The following SYT5 variants were observed in gnomAD, a reference collection of about 807,000 sequenced individuals.
SYT5 encodes synaptotagmin-5.
In SYT5, 29 loss-of-function variants were observed where a neutral mutation model predicts 36.0. That is an observed-to-expected ratio of 0.81 (90% confidence interval 0.60 to 1.10). SYT5 has a LOEUF of 1.10. SYT5 is among the 50% of genes least tolerant of loss of function. The pLI, the probability that SYT5 is intolerant of heterozygous loss-of-function variation, is 0.00. For synonymous variants in SYT5, 231 were observed against 227.6 expected (o/e 1.02, Z -0.14); for missense variants, 512 against 516.0 (o/e 0.99, Z 0.08).
chr19:55,175,599 C>T lies in SYT5; in HGVS notation c.540+110G>A. 1 of 1,431,532 alleles carries T rather than the reference C, an allele frequency of 7.0e-7. No homozygotes were observed. The highest frequency in any genetic ancestry group is 9.6e-7 in the Non-Finnish European group (1 of 1,045,114). 88.7% of individuals were successfully genotyped at this position (1,431,532 alleles called of 1,614,324 possible). On this transcript the variant is annotated intron_variant, in intron 5 of 8. Transcript: ENST00000354308. This position sits in a 1 kb window ranked among gnomAD's most constrained non-coding sequence, Gnocchi z 4.5. ...AGTGGAATAGCCCCAGAGCTGGTAG[C>T]TGCCACCTGAGCTGTGGCCGCCTCC...
Position 55,171,811 on chromosome 19 carries a change from A to G in SYT5, c.*1673T>C, listed in dbSNP as rs929384904. On this transcript the variant is annotated 3_prime_UTR_variant, in exon 9 of 9. Coordinates refer to ENST00000354308, the MANE Select transcript of SYT5 (RefSeq NM_003180.3). The stretch of plus-strand genomic sequence containing the variant: ...AAAAGAAAAGAAAAGAAAAGAAAAA[A>G]TTAGCTAGGCATGGTTGCATGTGCC... The G allele has an allele frequency of 3.3e-5, 5 of 152,234 alleles. No individual in the cohort carries two copies. Among genetic ancestry groups the G allele is most frequent in the African/African-American group, 1.2e-4 (5 of 41,440 alleles). The allele number at this position is 152,234 out of a possible 1,614,324, so 9.4% of individuals were successfully genotyped here.
chr19:55,173,528 A>G lies in SYT5; in HGVS notation c.1117T>C (p.Ser373Pro). The change falls in exon 9 of 9, where the codon TCG becomes CCG. Residue 373 changes from serine (S) to proline (P), a missense_variant. Coordinates refer to ENST00000354308, the MANE Select transcript of SYT5 (RefSeq NM_003180.3). This position sits in a 1 kb window ranked among gnomAD's most constrained non-coding sequence, Gnocchi z 5.4. ...CTCACTCGGTCCGGGGGCCGCAGCG[A>G]GTGCCACTGGGCAATGGGCCGCCGC... ...NPRRPIAQWH[S>P]LRPPDRVRLL... 1.4e-6 allele frequency: 2 copies of G among 1,411,984 alleles called. No individual in the cohort carries two copies. The highest frequency in any genetic ancestry group is 1.6e-5 in the South Asian group (1 of 64,294). The allele number at this position is 1,411,984 out of a possible 1,614,324, so 87.5% of individuals were successfully genotyped here. A position where few individuals can be genotyped will look rare whatever the true frequency, so the allele number is the denominator to read the frequency against.
chr19:55,178,128 C>A, intron 3 of SYT5, 68 bp downstream of exon 3: 1 of 1,529,700 alleles, frequency 6.5e-7, no homozygotes. Context: ...GGGACTGGGA[C>A]CAGCTGGGCC....
Position 55,172,444 on chromosome 19 carries a change from A to AC in SYT5, c.*1039_*1040insG, listed in dbSNP as rs1472595473. 1.4e-4 allele frequency: 21 copies of AC among 149,362 alleles called. No individual in the cohort carries two copies. Among genetic ancestry groups the AC allele is most frequent in the African/African-American group, 5.3e-4 (21 of 39,894 alleles). 9.3% of individuals were successfully genotyped at this position (149,362 alleles called of 1,614,324 possible). A position where few individuals can be genotyped will look rare whatever the true frequency, so the allele number is the denominator to read the frequency against. On this transcript the variant is annotated 3_prime_UTR_variant, in exon 9 of 9. Transcript: ENST00000354308. ...TCAAAAAAACAAAAACAAAAACAAA[A>AC]AAACAAACAAACAAAAAAAAAACAA...
chr19:55,173,697 C>T lies in SYT5; in HGVS notation c.961-13G>A, dbSNP rs1319021011. 2 of 1,364,890 alleles carry T rather than the reference C, an allele frequency of 1.5e-6. No individual in the cohort carries two copies. Among genetic ancestry groups the T allele is most frequent in the African/African-American group, 3.1e-5 (2 of 65,416 alleles). The allele number at this position is 1,364,890 out of a possible 1,614,324, so 84.5% of individuals were successfully genotyped here. A position where few individuals can be genotyped will look rare whatever the true frequency, so the allele number is the denominator to read the frequency against. ...CCACCTGCACCTTCTGGGGTGGGCG[C>T]GGGAGGAAGAGGAGAGAGGAGCGTG... On this transcript the variant is annotated splice_polypyrimidine_tract_variant and intron_variant, in intron 8 of 8. Coordinates refer to ENST00000354308, the MANE Select transcript of SYT5 (RefSeq NM_003180.3). The surrounding 1 kb of genome is among the most constrained non-coding windows in gnomAD (Gnocchi z 5.4).
chr19:55,176,206 C>A, intron 3 of SYT5, 82 bp from the exon 4 acceptor site: 2 of 1,589,956 alleles, frequency 1.3e-6, no homozygotes, highest in Non-Finnish European at 1.7e-6. Flanking sequence ...GGGAGGCTCA[C>A]AGGTCCCTTG....
intron 8 of SYT5, among the ~76,000 whole-genome samples, chr19:55,174,199 T>TGCTTGGGGGCGGGGCATCCTGGTCCG (rs2086042386): frequency 7.0e-6 from 1 of 143,762 alleles, no homozygotes. Context: ...ATCCTGGTCC[T>TGCTTGGGGGCGGGGCATCCTGGTCCG]GCTTGGGGGC....
In SYT5 at chr19:55,176,310, GTA is replaced by G. The variant is rs1026036298; in HGVS notation, c.253-188_253-187del. The G allele has an allele frequency of 1.9e-5, 14 of 735,100 alleles. No homozygotes were observed. The African/African-American group carries it at 2.3e-4, about 12-fold the overall frequency. 45.5% of individuals were successfully genotyped at this position (735,100 alleles called of 1,614,324 possible). ...AAATAGACGTGGTAACACAGATGCA[GTA>G]TGTTTGTGAAGGTTTGATTAGTGGT... On this transcript the variant is annotated intron_variant, in intron 3 of 8. Transcript: ENST00000354308.
chr19:55,175,733 G>A lies in SYT5; in HGVS notation c.516C>T (p.His172=). ...CCTTGAAGGCGAAGGTCTCCCCAAA[G>A]TGAGGGTTCAGCGTCTGCCGATGCA... The part of the protein sequence containing the change: ...TKVHRQTLNP[H]FGETFAFKVP... The change falls in exon 5 of 9, where the codon CAC becomes CAT. Residue 172 remains histidine (H), a synonymous_variant. Coordinates refer to ENST00000354308, the MANE Select transcript of SYT5 (RefSeq NM_003180.3). This position sits in a 1 kb window ranked among gnomAD's most constrained non-coding sequence, Gnocchi z 4.5. 6.2e-7 allele frequency: 1 copy of A among 1,614,000 alleles called. No individual in the cohort carries two copies. The highest frequency in any genetic ancestry group is 8.5e-7 in the Non-Finnish European group (1 of 1,180,020).
At chr19:55,177,662 T>A (rs2086091500) in intron 3 of SYT5, 1 of 152,592 alleles carries the variant, frequency 6.6e-6, no homozygotes, top group South Asian at 2.1e-4. Context: ...AGCCTCCACC[T>A]CCCGGTTTCA....
intron 3 of SYT5, chr19:55,176,941 CCTT>C (rs2086083065): frequency 6.6e-6 from 1 of 152,224 alleles, no homozygotes; most frequent in Non-Finnish European, 1.5e-5. Flanking sequence ...AGGAAATGGT[CCTT>C]CTTGGTTGGA....
rs2086013705 is a variant in SYT5 at position 55,172,339 on chromosome 19, T to G, written c.*1145A>C. On this transcript the variant is annotated 3_prime_UTR_variant, in exon 9 of 9. Transcript: ENST00000354308. ...GGGAGGCTGAGGCAGGAGAATGGCG[T>G]GAACCCGGGAGGAGGAGCTTGCAGT... 6.6e-6 allele frequency: 1 copy of G among 151,172 alleles called. No individual in the cohort carries two copies. Among genetic ancestry groups the G allele is most frequent in the South Asian group, 2.1e-4 (1 of 4,804 alleles). 9.4% of individuals were successfully genotyped at this position (151,172 alleles called of 1,614,324 possible).
Position 55,173,133 on chromosome 19 carries a change from A to T in SYT5, c.*351T>A, listed in dbSNP as rs1385907280. On this transcript the variant is annotated 3_prime_UTR_variant, in exon 9 of 9. Transcript: ENST00000354308. The surrounding 1 kb of genome is among the most constrained non-coding windows in gnomAD (Gnocchi z 5.4). ...TGAATATTTATTTGGCCCCAGGAGC[A>T]GTGCAGGGATGGGCTGTGTTGGAAG... 2.6e-5 allele frequency: 6 copies of T among 234,760 alleles called. No individual in the cohort carries two copies. In the East Asian group the frequency reaches 4.0e-4, roughly 16 times the overall value. The allele number at this position is 234,760 out of a possible 1,614,324, so 14.5% of individuals were successfully genotyped here.
In SYT5 at chr19:55,180,203, G is replaced by C. The variant is rs2086139466; in HGVS notation, c.-132C>G. ...CCACCCCCTGCACGTGGGCGGTGGC[G>C]CTGTCCCGGGTGCTGATCGCGGAGC... On this transcript the variant is annotated 5_prime_UTR_variant, in exon 1 of 9. Transcript: ENST00000354308. The C allele has an allele frequency of 6.6e-6, 1 of 152,324 alleles. No individual in the cohort carries two copies. The highest frequency in any genetic ancestry group is 1.5e-5 in the Non-Finnish European group (1 of 68,154). The allele number at this position is 152,324 out of a possible 1,614,324, so 9.4% of individuals were successfully genotyped here.
Position 55,171,379 on chromosome 19 carries a change from G to C in SYT5, c.*2105C>G, listed in dbSNP as rs1264970992. The C allele has an allele frequency of 6.6e-6, 1 of 151,530 alleles. No individual in the cohort carries two copies. The highest frequency in any genetic ancestry group is 1.5e-5 in the Non-Finnish European group (1 of 68,002). 9.4% of individuals were successfully genotyped at this position (151,530 alleles called of 1,614,324 possible). A position where few individuals can be genotyped will look rare whatever the true frequency, so the allele number is the denominator to read the frequency against. Reference sequence around the variant, plus strand: ...CATGAAAAGTTACTGAATTCCTTTGGAGAAAAATTAAAAATCTCATGGATA... The same window carrying C: ...CATGAAAAGTTACTGAATTCCTTTGCAGAAAAATTAAAAATCTCATGGATA... On this transcript the variant is annotated 3_prime_UTR_variant, in exon 9 of 9. Coordinates refer to ENST00000354308, the MANE Select transcript of SYT5 (RefSeq NM_003180.3).
In SYT5 at chr19:55,175,252, C is replaced by A. The variant is rs1279567373; in HGVS notation, c.628G>T (p.Val210Leu). The A allele has an allele frequency of 2.5e-6, 4 of 1,608,766 alleles. No homozygotes were observed. The highest frequency in any genetic ancestry group is 3.4e-6 in the Non-Finnish European group (4 of 1,178,350). ...RFSRNDAIGE[V>L]RVPMSSVDLG... Reference sequence around the variant, plus strand: ...TCCACGGAGCTCATAGGGACCCGCACCTCCCCGATGGCGTCATTGCGAGAG... The same window carrying A: ...TCCACGGAGCTCATAGGGACCCGCAACTCCCCGATGGCGTCATTGCGAGAG... The change falls in exon 6 of 9, where the codon GTG (valine) becomes TTG (leucine). Residue 210 changes from valine to leucine, a missense_variant. Val to Leu is a conservative substitution (Grantham distance 32). Transcript: ENST00000354308. This position sits in a 1 kb window ranked among gnomAD's most constrained non-coding sequence, Gnocchi z 4.5.
rs377331665 is a variant in SYT5, at chr19:55,175,148, C to T, written c.708+24G>A. 1.2e-4 allele frequency: 192 copies of T among 1,578,514 alleles called. No individual in the cohort carries two copies. In the African/African-American group the frequency reaches 2.4e-3, roughly 20 times the overall value. Reference sequence around the variant, plus strand: ...CGGGACTGGGCCTGGGGGCGTGGCTCGGGGCGCGACCGCGCATGCTCACCT... The same window carrying T: ...CGGGACTGGGCCTGGGGGCGTGGCTTGGGGCGCGACCGCGCATGCTCACCT... On this transcript the variant is annotated intron_variant, in intron 6 of 8. Transcript: ENST00000354308. This position sits in a 1 kb window ranked among gnomAD's most constrained non-coding sequence, Gnocchi z 4.5.
In SYT5 at chr19:55,175,322, C is replaced by T. The variant is rs1246722638; in HGVS notation, c.558G>A (p.Leu186=). 1.3e-6 allele frequency: 2 copies of T among 1,544,464 alleles called. No individual in the cohort carries two copies. Among genetic ancestry groups the T allele is most frequent in the Non-Finnish European group, 8.7e-7 (1 of 1,147,728 alleles). ...CCGCCATGACCAGCACCCTGCCCCC[C>T]AGCTCCACGTAGGGGACCTGGAGTG... is the stretch of plus-strand genomic sequence containing the variant. ...TFAFKVPYVE[L]GGRVLVMAVY... The change falls in exon 6 of 9, where the codon CTG becomes CTA. Residue 186 remains leucine (L), a synonymous_variant. Transcript: ENST00000354308. This position sits in a 1 kb window ranked among gnomAD's most constrained non-coding sequence, Gnocchi z 4.5.
chr19:55,179,179 A>G lies in SYT5; in HGVS notation c.-45-93T>C. On this transcript the variant is annotated intron_variant, in intron 1 of 8. Coordinates refer to ENST00000354308, the MANE Select transcript of SYT5 (RefSeq NM_003180.3). The surrounding 1 kb of genome is among the most constrained non-coding windows in gnomAD (Gnocchi z 4.5). Reference sequence around the variant, plus strand: ...GAGGCCTTTGCGCGAACAGCCGCGCAGAAACCGGACAGCCACCGCGAGTCA... The same window carrying G: ...GAGGCCTTTGCGCGAACAGCCGCGCGGAAACCGGACAGCCACCGCGAGTCA... 5.2e-6 allele frequency: 8 copies of G among 1,534,880 alleles called. No individual in the cohort carries two copies. Among genetic ancestry groups the G allele is most frequent in the Non-Finnish European group, 7.0e-6 (8 of 1,145,900 alleles).
Sources: gnomAD v4.1 joint callset for allele counts (sites outside exome capture counted in the v4.1 genomes callset) on GRCh38, gnomAD v4.1.1 for gene constraint, Gnocchi (gnomAD v3.1) non-coding constraint, MANE v1.5 for transcripts, NCBI Gene and HGNC (gene_info 2026-07-23, HGNC 2026-07-21) for gene names.